The following EXPH5 variants were observed in gnomAD, a reference collection of about 807,000 sequenced individuals.
The protein encoded by EXPH5 is exophilin 5.
A neutral mutation model predicts 41.1 loss-of-function variants in EXPH5; 42 were observed. The ratio of observed to expected loss-of-function variants is 1.02; its 90% CI spans 0.80 to 1.32. EXPH5 has a LOEUF of 1.32. Among genes scored for constraint, EXPH5 ranks in the 40% most tolerant of loss-of-function variants. EXPH5 has a pLI of 0.00. For synonymous variants in EXPH5, 798 were observed against 833.5 expected, an observed-to-expected ratio of 0.96 and a Z score of 0.73; for missense variants, 2,298 against 2,314.5, an observed-to-expected ratio of 0.99 and a Z score of 0.15.
intron 4 of EXPH5, among the ~76,000 whole-genome samples, chr11:108,525,054 T>C (rs553137860): frequency 1.9e-3 from 287 of 152,320 alleles, no homozygotes; most frequent in African/African-American, 6.4e-3. Flanking sequence ...TCATGAGATC[T>C]GATGGTTTTA....
At chr11:108,601,474 T>C in the EXPH5 span, among the ~76,000 whole-genome samples, 1 of 152,210 alleles carries the variant, frequency 6.6e-6, no homozygotes, top group Non-Finnish European at 1.5e-5. Context: ...TCCAAGCTTG[T>C]AAACAACAAT....
chr11:108,598,274 C>T (rs894729224), upstream of EXPH5, among the ~76,000 whole-genome samples: 1 of 152,140 alleles, frequency 6.6e-6, no homozygotes, highest in Non-Finnish European at 1.5e-5. Flanking sequence ...TTTATAAGTT[C>T]TTTTTGAACC....
At chr11:108,586,198 C>T (rs2094112292) in intron 1 of EXPH5, among the ~76,000 whole-genome samples, 1 of 151,682 alleles carries the variant, frequency 6.6e-6, no homozygotes, top group Non-Finnish European at 1.5e-5. Context: ...GATTCTCCTA[C>T]CTCGGCCTCC....
chr11:108,524,493 A>G (rs187751484), intron 4 of EXPH5, among the ~76,000 whole-genome samples: 47 of 152,284 alleles, frequency 3.1e-4, no homozygotes, highest in African/African-American at 1.1e-3. Context: ...GGCCATTGCA[A>G]AATGCTGGCT....
chr11:108,527,229 G>A (rs942839944), intron 4 of EXPH5, among the ~76,000 whole-genome samples: 1 of 152,028 alleles, frequency 6.6e-6, no homozygotes, highest in African/African-American at 2.4e-5. Flanking sequence ...TTAAAGCAGG[G>A]GAATCGCTTG....
At chr11:108,597,808 G>A (rs1305179335), upstream of EXPH5, among the ~76,000 whole-genome samples, 1 of 152,018 alleles carries the variant, frequency 6.6e-6, no homozygotes, top group Non-Finnish European at 1.5e-5. Flanking sequence ...TATCTACTTA[G>A]GAAAAAGACC....
At position 108,513,107 on chromosome 11, in the gene EXPH5, T is replaced by C; in HGVS notation, c.2400A>G (p.Glu800=). Residue 800 remains glutamate (E), a synonymous_variant, in exon 6 of 6, where the codon GAA becomes GAG. Coordinates refer to ENST00000265843, the MANE Select transcript of EXPH5 (RefSeq NM_015065.3). ...NDIKQDKRFT[E]NRKLGSTASL... ...AAGCTGTTGAGCCAAGTTTTCTGTT[T>C]TCAGTAAACCTCTTATCTTGTTTAA... 2 of 1,610,906 alleles carry C rather than the reference T, an allele frequency of 1.2e-6. No individual in the cohort carries two copies. Among genetic ancestry groups the C allele is most frequent in the East Asian group, 2.2e-5 (1 of 44,862 alleles).
At chr11:108,599,517 C>A in the EXPH5 span, among the ~76,000 whole-genome samples, 1 of 152,124 alleles carries the variant, frequency 6.6e-6, no homozygotes, top group Admixed American at 6.5e-5. Context: ...CACAACCTAA[C>A]TGGATTTAAA....
At chr11:108,516,258 G>A (rs2093726277) in intron 5 of EXPH5, among the ~76,000 whole-genome samples, 1 of 151,994 alleles carries the variant, frequency 6.6e-6, no homozygotes, top group Admixed American at 6.6e-5. Context: ...TCAGTGCCCA[G>A]GGGCCCCCTT....
rs2093642505 is a variant in EXPH5, at chr11:108,506,046, G to C, written c.*3491C>G. On this transcript the variant is annotated 3_prime_UTR_variant, in exon 6 of 6. Coordinates refer to ENST00000265843, the MANE Select transcript of EXPH5 (RefSeq NM_015065.3). Reference sequence around the variant, plus strand: ...ACAGACTTTACAGTATAAAATTTATGGTTATAGAAATCTAGTATCTAAACA... The same window carrying C: ...ACAGACTTTACAGTATAAAATTTATCGTTATAGAAATCTAGTATCTAAACA... The C allele has an allele frequency of 1.3e-5, 2 of 151,892 alleles. No homozygotes were observed. Among genetic ancestry groups the C allele is most frequent in the South Asian group, 4.2e-4 (2 of 4,816 alleles). The allele number at this position is 151,892 out of a possible 1,614,324, so 9.4% of individuals were successfully genotyped here. A position where few individuals can be genotyped will look rare whatever the true frequency, so the allele number is the denominator to read the frequency against.
the EXPH5 span, among the ~76,000 whole-genome samples, chr11:108,601,010 T>G: frequency 1.3e-5 from 2 of 152,216 alleles, no homozygotes; most frequent in Non-Finnish European, 1.5e-5. Flanking sequence ...GCAGAGCCCA[T>G]GGATCGGCAA....
intron 1 of EXPH5, among the ~76,000 whole-genome samples, chr11:108,547,350 T>C (rs937992070): frequency 2.0e-5 from 3 of 152,056 alleles, no homozygotes; most frequent in African/African-American, 7.2e-5. Flanking sequence ...CACGCTACTA[T>C]GCCCAGCTAA....
At chr11:108,585,338 A>C (rs1000247989) in intron 1 of EXPH5, among the ~76,000 whole-genome samples, 1 of 152,200 alleles carries the variant, frequency 6.6e-6, no homozygotes, top group African/African-American at 2.4e-5. Flanking sequence ...CCTACCCCTC[A>C]AGGTGATGGT....
At chr11:108,598,474 A>G (rs917718690), upstream of EXPH5, among the ~76,000 whole-genome samples, 52 of 152,204 alleles carry the variant, frequency 3.4e-4, 1 homozygote, top group Admixed American at 3.4e-3. Context: ...AGAGACAGAT[A>G]ATACATTAGT....
chr11:108,507,084 A>G lies in EXPH5; in HGVS notation c.*2453T>C, dbSNP rs1274611521. The G allele has an allele frequency of 6.6e-6, 1 of 152,208 alleles. No individual in the cohort carries two copies. The highest frequency in any genetic ancestry group is 2.4e-5 in the African/African-American group (1 of 41,458). The allele number at this position is 152,208 out of a possible 1,614,324, so 9.4% of individuals were successfully genotyped here. A position where few individuals can be genotyped will look rare whatever the true frequency, so the allele number is the denominator to read the frequency against. Reference sequence around the variant, plus strand: ...CATATATTAACCAAGAAATAGTGTTATTTATTCTTTACCATACAAATTTGC... The same window carrying G: ...CATATATTAACCAAGAAATAGTGTTGTTTATTCTTTACCATACAAATTTGC... On this transcript the variant is annotated 3_prime_UTR_variant, in exon 6 of 6. Coordinates refer to ENST00000265843, the MANE Select transcript of EXPH5 (RefSeq NM_015065.3).
At chr11:108,515,945 G>A (rs1017626157) in intron 5 of EXPH5, among the ~76,000 whole-genome samples, 2 of 152,004 alleles carry the variant, frequency 1.3e-5, no homozygotes, top group East Asian at 1.9e-4. Context: ...GGTGGCGGGC[G>A]CCTGTAGTCT....
chr11:108,556,000 C>T (rs556187687), intron 1 of EXPH5, among the ~76,000 whole-genome samples: 2 of 152,204 alleles, frequency 1.3e-5, no homozygotes, highest in African/African-American at 2.4e-5. Context: ...AGGCTCCATA[C>T]AGGAGCAAGA....
chr11:108,573,139 G>GGACA (rs1417227019), intron 1 of EXPH5, among the ~76,000 whole-genome samples: 1 of 90,508 alleles, frequency 1.1e-5, no homozygotes, highest in African/African-American at 4.4e-5. Flanking sequence ...AAGGAAAGAA[G>GGACA]GAAAGAAAGA....
intron 1 of EXPH5, among the ~76,000 whole-genome samples, chr11:108,569,704 T>C (rs1465247264): frequency 6.6e-6 from 1 of 152,204 alleles, no homozygotes; most frequent in Non-Finnish European, 1.5e-5. Context: ...CATTTGTATA[T>C]CTCCGGTACC....
Sources: gnomAD v4.1 joint callset for allele counts (sites outside exome capture counted in the v4.1 genomes callset) on GRCh38, gnomAD v4.1.1 for gene constraint, MANE v1.5 for transcripts, NCBI Gene and HGNC (gene_info 2026-07-23, HGNC 2026-07-21) for gene names.